TAOK1: variants seen among roughly 807,000 people sequenced by gnomAD.
The protein encoded by TAOK1 is serine/threonine-protein kinase TAO1.
Under a neutral mutation model 138.3 loss-of-function variants are expected in TAOK1, and 21 were observed. The ratio of observed to expected loss-of-function variants is 0.15; its 90% CI spans 0.11 to 0.22. TAOK1 has a LOEUF of 0.22. TAOK1 is among the 10% of genes least tolerant of loss of function. The pLI, the probability that TAOK1 is intolerant of heterozygous loss-of-function variation, is 1.00. For missense variants in TAOK1, 651 were observed against 1,227.7 expected (o/e 0.53, Z 7.02); for synonymous variants, 361 against 398.4 (o/e 0.91, Z 1.12).
rs1567730662 is a variant in TAOK1, at chr17:29,482,185, G to GT, written c.564-8dup. 1 of 1,587,774 alleles carries GT rather than the reference G, an allele frequency of 6.3e-7. No homozygotes were observed. On this transcript the variant is annotated splice_polypyrimidine_tract_variant and intron_variant, in intron 7 of 19. Coordinates refer to ENST00000261716, the MANE Select transcript of TAOK1 (RefSeq NM_020791.4). The stretch of plus-strand genomic sequence containing the variant: ...AAAAAAATCTTTAATTTAAATTAAC[G>GT]TTTTGTTCTAGGATGGCCCCAGAAG...
chr17:29,445,957 T>A (rs1484717590), intron 1 of TAOK1, among the ~76,000 whole-genome samples: 1 of 152,192 alleles, frequency 6.6e-6, no homozygotes, highest in Non-Finnish European at 1.5e-5. Context: ...CATATACATA[T>A]GACTAATCAG....
intron 2 of TAOK1, among the ~76,000 whole-genome samples, chr17:29,464,139 G>A (rs2030597851): frequency 6.6e-6 from 1 of 151,842 alleles, no homozygotes; most frequent in Non-Finnish European, 1.5e-5. Context: ...GAGACTGATA[G>A]CTAAAGAGTT....
chr17:29,540,891 G>A (rs1301349506), intron 19 of TAOK1, among the ~76,000 whole-genome samples: 1 of 151,410 alleles, frequency 6.6e-6, no homozygotes, highest in Non-Finnish European at 1.5e-5. Context: ...TTTTAGTAGA[G>A]ACGAGGTTTC....
intron 3 of TAOK1, among the ~76,000 whole-genome samples, chr17:29,470,992 G>T (rs2153026009): frequency 6.6e-6 from 1 of 152,206 alleles, no homozygotes; most frequent in East Asian, 1.9e-4. Flanking sequence ...AGGCATGGTT[G>T]CAGGTGCCTG....
chr17:29,460,381 C>T (rs1030863374), intron 2 of TAOK1, among the ~76,000 whole-genome samples: 2 of 151,904 alleles, frequency 1.3e-5, no homozygotes, highest in African/African-American at 2.4e-5. Context: ...TAGTAGAGAC[C>T]GGGTTTCACC....
chr17:29,469,369 T>A (rs2030760143), intron 3 of TAOK1, among the ~76,000 whole-genome samples: 1 of 152,204 alleles, frequency 6.6e-6, no homozygotes, highest in Admixed American at 6.5e-5. Flanking sequence ...CAATTCCACA[T>A]TTCAGTGGAA....
chr17:29,421,649 A>C lies in TAOK1; in HGVS notation c.-94-29806A>C, dbSNP rs1033091323. Reference sequence around the variant, plus strand: ...GTCTCGCTGTGTTCACCCAGGCTGGAGTGTAGTGGTGCCATCACAGCCCAC... The same window carrying C: ...GTCTCGCTGTGTTCACCCAGGCTGGCGTGTAGTGGTGCCATCACAGCCCAC... On this transcript the variant is annotated intron_variant, in intron 1 of 19. Coordinates refer to ENST00000261716, the MANE Select transcript of TAOK1 (RefSeq NM_020791.4). Among the ~76,000 whole-genome samples, 5 of 152,004 alleles carry C rather than the reference A, an allele frequency of 3.3e-5. No homozygotes were observed. The East Asian group carries it at 9.6e-4, about 29-fold the overall frequency.
rs1373850448 is a variant in TAOK1 at position 29,422,213 on chromosome 17, T to G, written c.-94-29242T>G. 2.0e-5 allele frequency among the ~76,000 whole-genome samples: 3 copies of G among 147,778 alleles called. No homozygotes were observed. In the Admixed American group the frequency reaches 2.1e-4, roughly 10 times the overall value. ...CGCCCGGCCTATCCTTTTTTTTAAT[T>G]TATTTTTTGAGATGGAGTCTCGCTC... On this transcript the variant is annotated intron_variant, in intron 1 of 19. Transcript: ENST00000261716.
At chr17:29,500,084 C>G (rs1032934973) in intron 12 of TAOK1, among the ~76,000 whole-genome samples, 3 of 152,062 alleles carry the variant, frequency 2.0e-5, no homozygotes, top group Non-Finnish European at 4.4e-5. Context: ...GAAGCTGAGG[C>G]GGGCAGATTG....
chr17:29,408,081 G>A (rs1254324961), intron 1 of TAOK1, among the ~76,000 whole-genome samples: 6 of 151,940 alleles, frequency 3.9e-5, no homozygotes, highest in Non-Finnish European at 8.8e-5. Flanking sequence ...CCAGGATACA[G>A]AAATGAGTCA....
chr17:29,395,752 G>T (rs565745030), intron 1 of TAOK1, among the ~76,000 whole-genome samples: 3 of 150,536 alleles, frequency 2.0e-5, no homozygotes, highest in African/African-American at 7.3e-5. Context: ...CAGCCTCCCG[G>T]GTTCAAGTGC....
chr17:29,511,732 A>C (rs1048147246), intron 15 of TAOK1: 1 of 151,814 alleles, frequency 6.6e-6, no homozygotes, highest in African/African-American at 2.4e-5. Context: ...TTTTTTGTAG[A>C]GACAGGGTCT....
intron 9 of TAOK1, among the ~76,000 whole-genome samples, chr17:29,491,117 A>G (rs1340338435): frequency 1.3e-5 from 2 of 152,222 alleles, no homozygotes. Context: ...TTGGAGATTT[A>G]TAAAAGAATT....
chr17:29,522,699 T>G (rs2031940204), intron 17 of TAOK1, among the ~76,000 whole-genome samples, 180 bp downstream of exon 17: 2 of 152,226 alleles, frequency 1.3e-5, no homozygotes, highest in South Asian at 4.1e-4. Flanking sequence ...TGCTTATGTA[T>G]TTCTCATCAG....
At chr17:29,423,845 C>G (rs987540929) in intron 1 of TAOK1, among the ~76,000 whole-genome samples, 1 of 151,804 alleles carries the variant, frequency 6.6e-6, no homozygotes, top group Admixed American at 6.6e-5. Context: ...GTCAGGAGTT[C>G]GAGACCAGCC....
intron 1 of TAOK1, among the ~76,000 whole-genome samples, chr17:29,448,190 CT>C (rs1014042823): frequency 6.6e-5 from 10 of 151,254 alleles, no homozygotes; most frequent in African/African-American, 2.4e-4. Flanking sequence ...CGTATAGTTT[CT>C]TTTTTTTATA....
chr17:29,467,323 G>C, intron 3 of TAOK1, 107 bp downstream of exon 3: 1 of 521,034 alleles, frequency 1.9e-6, no homozygotes, highest in Non-Finnish European at 3.0e-6. Flanking sequence ...GCCCAGGCTG[G>C]AGTGTAGTGG....
At chr17:29,527,199 A>T (rs899248782) in intron 17 of TAOK1, among the ~76,000 whole-genome samples, 1 of 151,978 alleles carries the variant, frequency 6.6e-6, no homozygotes, top group African/African-American at 2.4e-5. Context: ...GAGAGGCAAG[A>T]GGATCACTTG....
At chr17:29,499,805 C>T (rs555429266) in intron 12 of TAOK1, among the ~76,000 whole-genome samples, 1 of 152,198 alleles carries the variant, frequency 6.6e-6, no homozygotes, top group East Asian at 1.9e-4. Flanking sequence ...AGGTGATCCA[C>T]CTGCATTGGC....
Sources: allele counts gnomAD v4.1 joint callset (sites outside exome capture counted in the v4.1 genomes callset), GRCh38; gene constraint gnomAD v4.1.1; transcripts MANE v1.5; gene names NCBI Gene and HGNC (gene_info 2026-07-23, HGNC 2026-07-21).